Variants in FAR2 observed in about 807,000 individuals in gnomAD.
FAR2 encodes the protein epididymis secretory protein Li 81.
A neutral mutation model predicts 56.0 loss-of-function variants in FAR2; 19 were observed. The observed-to-expected ratio is 0.34, with a 90% confidence interval of 0.24 to 0.50. FAR2 has a LOEUF of 0.50. Among genes scored for constraint, FAR2 ranks in the 20% least tolerant of loss-of-function variants. The pLI is 0.98. For synonymous variants in FAR2, 219 were observed against 218.8 expected, an observed-to-expected ratio of 1.00 and a Z score of -0.01; for missense variants, 508 against 642.2, an observed-to-expected ratio of 0.79 and a Z score of 2.26.
At chr12:29,253,199 C>T (rs1203781281) in intron 1 of FAR2, among the ~76,000 whole-genome samples, 1 of 150,080 alleles carries the variant, frequency 6.7e-6, no homozygotes, top group Non-Finnish European at 1.5e-5. Flanking sequence ...ATCTATCTAT[C>T]TAGATAGGTA....
At chr12:29,331,119 C>T (rs1277054959) in intron 10 of FAR2, among the ~76,000 whole-genome samples, 2 of 151,784 alleles carry the variant, frequency 1.3e-5, no homozygotes, top group African/African-American at 4.8e-5. Context: ...TATTAAAGTC[C>T]TTCCTAGTGA....
At chr12:29,301,555 G>A (rs1189628055) in intron 4 of FAR2, 1 of 152,184 alleles carries the variant, frequency 6.6e-6, no homozygotes, top group Non-Finnish European at 1.5e-5. Flanking sequence ...TCCTCTTAGG[G>A]AAAGCAGTGT....
intron 1 of FAR2, among the ~76,000 whole-genome samples, chr12:29,168,759 G>C (rs1949856276): frequency 6.6e-6 from 1 of 152,222 alleles, no homozygotes; most frequent in Non-Finnish European, 1.5e-5. Context: ...TGGACCCAAA[G>C]AGTGAGCAAC....
intron 2 of FAR2, among the ~76,000 whole-genome samples, chr12:29,276,162 G>T (rs533675941): frequency 1.3e-5 from 2 of 152,254 alleles, no homozygotes; most frequent in South Asian, 2.1e-4. Context: ...ATAATACCTT[G>T]CTTACCCAGG....
chr12:29,311,635 CATAAT>C (rs751194287), intron 7 of FAR2, among the ~76,000 whole-genome samples: 39 of 150,424 alleles, frequency 2.6e-4, no homozygotes, highest in Admixed American at 9.3e-4. Flanking sequence ...ATATGTACTC[CATAAT>C]ATGTCACTCC....
At chr12:29,292,432 C>T (rs1379970161) in intron 2 of FAR2, 1 of 152,180 alleles carries the variant, frequency 6.6e-6, no homozygotes, top group South Asian at 2.1e-4. Flanking sequence ...TTTAGATAAG[C>T]TTACCCAAAA....
chr12:29,312,888 A>G (rs1651640925), intron 8 of FAR2, among the ~76,000 whole-genome samples: 2 of 152,116 alleles, frequency 1.3e-5, no homozygotes, highest in African/African-American at 4.8e-5. Flanking sequence ...GGCTCATTTT[A>G]TAATAGGCTT....
At chr12:29,238,258 C>A (rs1443259620) in intron 1 of FAR2, among the ~76,000 whole-genome samples, 2 of 152,024 alleles carry the variant, frequency 1.3e-5, no homozygotes, top group Admixed American at 1.3e-4. Flanking sequence ...GAGCAACACA[C>A]TGATTACAGA....
chr12:29,298,172 A>G (rs568763387), intron 4 of FAR2, among the ~76,000 whole-genome samples: 1 of 152,196 alleles, frequency 6.6e-6, no homozygotes, highest in East Asian at 1.9e-4. Context: ...AATAATGTCT[A>G]GGATTTTTCT....
intron 10 of FAR2, among the ~76,000 whole-genome samples, chr12:29,326,172 G>A (rs1463064253): frequency 6.6e-5 from 10 of 152,022 alleles, no homozygotes; most frequent in Non-Finnish European, 1.2e-4. Context: ...TAAATTCCTC[G>A]ACACATACAC....
intron 1 of FAR2, among the ~76,000 whole-genome samples, chr12:29,253,109 T>A (rs1010377460): frequency 6.6e-5 from 10 of 152,006 alleles, no homozygotes; most frequent in African/African-American, 2.2e-4. Context: ...ACCTGCAGAT[T>A]TTAAACTTGC....
intron 1 of FAR2, among the ~76,000 whole-genome samples, chr12:29,221,353 G>T (rs536903159): frequency 6.6e-6 from 1 of 152,032 alleles, no homozygotes; most frequent in South Asian, 2.1e-4. Flanking sequence ...ATTCCTGGTC[G>T]GGGCGGGGAG....
chr12:29,313,345 G>A (rs1012454706), intron 8 of FAR2, among the ~76,000 whole-genome samples: 21 of 152,230 alleles, frequency 1.4e-4, no homozygotes, highest in African/African-American at 4.6e-4. Context: ...CTATGAACCG[G>A]TGATTCTTGA....
At chr12:29,257,036 C>T (rs185073122) in intron 1 of FAR2, among the ~76,000 whole-genome samples, 207 of 152,356 alleles carry the variant, frequency 1.4e-3, no homozygotes, top group Admixed American at 2.9e-3. Context: ...GGGTGCACGG[C>T]GCGGGACTGG....
At chr12:29,289,547 G>A (rs904131123) in intron 2 of FAR2, among the ~76,000 whole-genome samples, 1 of 152,142 alleles carries the variant, frequency 6.6e-6, no homozygotes, top group Non-Finnish European at 1.5e-5. Flanking sequence ...AATCAAAATG[G>A]ATTAAAGACT....
At chr12:29,302,941 C>T (rs1040258363) in intron 4 of FAR2, among the ~76,000 whole-genome samples, 4 of 152,114 alleles carry the variant, frequency 2.6e-5, no homozygotes, top group Admixed American at 6.6e-5. Context: ...GGGGTTGCAC[C>T]TATCAAATTA....
chr12:29,250,014 C>T (rs1296573201), intron 1 of FAR2, among the ~76,000 whole-genome samples: 2 of 152,268 alleles, frequency 1.3e-5, no homozygotes, highest in South Asian at 2.1e-4. Context: ...CCAAGTGACT[C>T]GAATGCTCAC....
rs567566269 is a variant in FAR2, at chr12:29,204,407, G to T, written c.-39+55000G>T. Among the ~76,000 whole-genome samples the T allele has an allele frequency of 2.0e-5, 3 of 152,280 alleles. No homozygotes were observed. In the South Asian group the frequency reaches 6.2e-4, roughly 32 times the overall value. On this transcript the variant is annotated intron_variant, in intron 1 of 11. Coordinates refer to ENST00000536681, the MANE Select transcript of FAR2 (RefSeq NM_001271783.2). Reference sequence around the variant, plus strand: ...GAAGATAATTAACATGAATCTGACAGATAGTAACATGAGGACTCATTTACT... The same window carrying T: ...GAAGATAATTAACATGAATCTGACATATAGTAACATGAGGACTCATTTACT...
chr12:29,333,380 G>A (rs1342934452), intron 11 of FAR2: 3 of 421,022 alleles, frequency 7.1e-6, no homozygotes, highest in Middle Eastern at 6.4e-4. Context: ...GATTATGCTA[G>A]TCATGCTTGT....
Sources: allele counts gnomAD v4.1 joint callset (sites outside exome capture counted in the v4.1 genomes callset), GRCh38; gene constraint gnomAD v4.1.1; transcripts MANE v1.5; gene names NCBI Gene and HGNC (gene_info 2026-07-23, HGNC 2026-07-21).